Variants in MGAT1 observed in about 807,000 individuals in gnomAD.
The protein encoded by MGAT1 is N-glycosyl-oligosaccharide-glycoprotein N-acetylglucosaminyltransferase I.
In MGAT1, 14 loss-of-function variants were observed where a neutral mutation model predicts 31.7. The observed-to-expected ratio is 0.44, with a 90% confidence interval of 0.29 to 0.69. The LOEUF (loss-of-function observed/expected upper bound fraction) is 0.69. Ranked by LOEUF, MGAT1 falls within the 30% of genes least tolerant of loss-of-function variation. The pLI is 0.12. For missense variants in MGAT1, 557 were observed against 626.0 expected, an observed-to-expected ratio of 0.89 and a Z score of 1.18; for synonymous variants, 338 against 276.0, an observed-to-expected ratio of 1.22 and a Z score of -2.23.
rs1235865927 is a variant in MGAT1, at chr5:180,791,824, T to TCCC, written c.1145_1147dup (p.Gly382dup). 1 of 1,614,050 alleles carries TCCC rather than the reference T, an allele frequency of 6.2e-7. No homozygotes were observed. Among genetic ancestry groups the TCCC allele is most frequent in the Admixed American group, 1.7e-5 (1 of 60,012 alleles). ...CCTGCCCGTATACTGCACCCGCACCTCCCCCAGCTCCTTCCGGTCATTGGT... is the reference window on the plus strand; with the variant it reads ...CCTGCCCGTATACTGCACCCGCACCTCCCCCCCCAGCTCCTTCCGGTCATTGGT... On this transcript the variant is annotated inframe_insertion, in exon 2 of 2. Coordinates refer to ENST00000307826, the MANE Select transcript of MGAT1 (RefSeq NM_002406.4).
upstream of MGAT1, among the ~76,000 whole-genome samples, chr5:180,805,968 A>C (rs190242413): frequency 7.2e-4 from 110 of 152,164 alleles, 1 homozygote; most frequent in African/African-American, 2.6e-3. Flanking sequence ...TGGAATAAAG[A>C]AGGATATAAA....
At chr5:180,810,257 C>T (rs945709001) in intron 1 of MGAT1, 6 of 152,248 alleles carry the variant, frequency 3.9e-5, no homozygotes, top group South Asian at 2.1e-4. Context: ...GTTCCACATC[C>T]CGCCCATTTT....
At chr5:180,801,985 G>A (rs751115794) in intron 1 of MGAT1, among the ~76,000 whole-genome samples, 2 of 152,186 alleles carry the variant, frequency 1.3e-5, no homozygotes, top group Non-Finnish European at 2.9e-5. Context: ...TAAGAGCAAA[G>A]GCTACACGGC....
At chr5:180,798,408 C>T (rs957233936) in intron 1 of MGAT1, among the ~76,000 whole-genome samples, 2 of 152,148 alleles carry the variant, frequency 1.3e-5, no homozygotes, top group South Asian at 2.1e-4. Context: ...CCTTCCTTGA[C>T]GCCTGGGACC....
rs190680627 is a variant in MGAT1 at position 180,812,413 on chromosome 5, C to T, written c.-546+3001G>A. Among the ~76,000 whole-genome samples the T allele has an allele frequency of 2.7e-3, 415 of 152,162 alleles. 3 individuals are homozygous for T. The highest frequency in any genetic ancestry group is 9.3e-3 in the African/African-American group (385 of 41,502). On this transcript the variant is annotated intron_variant, in intron 1 of 2. Coordinates refer to the MGAT1 transcript ENST00000333055. ...TTATAACCATTTTTACTTAAGTGAC[C>T]TTCGATTTTTCGTGCTTGTTATAAC...
chr5:180,794,465 G>A (rs1444054104), intron 1 of MGAT1, among the ~76,000 whole-genome samples: 1 of 150,220 alleles, frequency 6.7e-6, no homozygotes, highest in Non-Finnish European at 1.5e-5. Flanking sequence ...CAACTGCGTG[G>A]TACTGGTACA....
In MGAT1 at chr5:180,792,845, G is replaced by C. The variant is rs199590721; in HGVS notation, c.127C>G (p.Leu43Val). Residue 43 changes from leucine to valine, a missense_variant, in exon 2 of 2, where the codon CTC (leucine) becomes GTC (valine). By Grantham distance (32) the Leu-to-Val change is conservative (BLOSUM62 1). Around this residue, in one of 3 missense-constraint regions of MGAT1, gnomAD observed 167 missense variants for 149.8 expected, o/e 1.11. Coordinates refer to ENST00000307826, the MANE Select transcript of MGAT1 (RefSeq NM_002406.4). ...GTGAGGCTGGCGGGGTCGCCATCGA[G>C]AGCGCTGACTGAGGGTGGCCTGCCA... ...APGRPPSVSA[L>V]DGDPASLTRE... 6.1e-4 allele frequency: 955 copies of C among 1,567,612 alleles called. 5 individuals are homozygous for C. The African/African-American group carries it at 0.011, about 18-fold the overall frequency.
rs571300356 is a variant in MGAT1, at chr5:180,786,751, C to T, written c.*4883G>A. The T allele has an allele frequency of 1.0e-4, 16 of 152,480 alleles. No homozygotes were observed. The East Asian group carries it at 1.5e-3, about 15-fold the overall frequency. The allele number at this position is 152,480 out of a possible 1,614,324, so 9.4% of individuals were successfully genotyped here. On this transcript the variant is annotated 3_prime_UTR_variant, in exon 2 of 2. Coordinates refer to ENST00000307826, the MANE Select transcript of MGAT1 (RefSeq NM_002406.4). ...ACCTGAGAAGGAGCCTGGGCCCTGA[C>T]GGTGGAGGAACCCCCACACCAGCCT...
At chr5:180,804,260 C>T (rs757302128), upstream of MGAT1, among the ~76,000 whole-genome samples, 1 of 152,234 alleles carries the variant, frequency 6.6e-6, no homozygotes, top group Non-Finnish European at 1.5e-5. Context: ...TGCTGCAAGC[C>T]ACCAGACCTG....
At chr5:180,811,237 A>AT (rs1222701604) in intron 1 of MGAT1, 2 of 152,158 alleles carry the variant, frequency 1.3e-5, no homozygotes, top group East Asian at 3.8e-4. Context: ...CTGTCGTGGG[A>AT]TTTCTCCAGA....
In MGAT1 at chr5:180,791,541, G is replaced by T; in HGVS notation, c.*93C>A. On this transcript the variant is annotated 3_prime_UTR_variant, in exon 2 of 2. Transcript: ENST00000307826. Reference sequence around the variant, plus strand: ...ATCAAAAAGATAAATGCACCTAAGAGGGAAACACAGGCAGGCCGATGCAGC... The same window carrying T: ...ATCAAAAAGATAAATGCACCTAAGATGGAAACACAGGCAGGCCGATGCAGC... 6.9e-7 allele frequency: 1 copy of T among 1,454,500 alleles called. No homozygotes were observed. Among genetic ancestry groups the T allele is most frequent in the Non-Finnish European group, 9.3e-7 (1 of 1,073,596 alleles). 90.1% of individuals were successfully genotyped at this position (1,454,500 alleles called of 1,614,324 possible).
chr5:180,798,870 C>T (rs910763427), intron 1 of MGAT1, among the ~76,000 whole-genome samples: 1 of 152,222 alleles, frequency 6.6e-6, no homozygotes, highest in Non-Finnish European at 1.5e-5. Context: ...ATTCTCAATT[C>T]TGAAATACAT....
rs913859181 is a variant in MGAT1 at position 180,785,766 on chromosome 5, C to G, written c.*5868G>C. On this transcript the variant is annotated 3_prime_UTR_variant, in exon 2 of 2. Transcript: ENST00000307826. ...GATCCTGAAAGGTTTTGCCCTTTTC[C>G]TAAATAGAAACTCTGAAAAGTAATC... is the stretch of plus-strand genomic sequence containing the variant. 6.6e-6 allele frequency: 1 copy of G among 152,274 alleles called. No homozygotes were observed. The highest frequency in any genetic ancestry group is 2.4e-5 in the African/African-American group (1 of 41,466). 9.4% of individuals were successfully genotyped at this position (152,274 alleles called of 1,614,324 possible). A position where few individuals can be genotyped will look rare whatever the true frequency, so the allele number is the denominator to read the frequency against.
chr5:180,815,006 G>T (rs1301035184), intron 1 of MGAT1, among the ~76,000 whole-genome samples: 1 of 151,998 alleles, frequency 6.6e-6, no homozygotes, highest in Non-Finnish European at 1.5e-5. Context: ...TATAAGGAAA[G>T]GGAATTTATT....
rs2070924 is a variant in MGAT1, at chr5:180,791,831, G to A, written c.1141C>T (p.Leu381=). ...EKVRTNDRKE[L]GEVRVQYTGR... ...GTATACTGCACCCGCACCTCCCCCA[G>A]CTCCTTCCGGTCATTGGTCCTCACT... Residue 381 remains leucine (L), a synonymous_variant, in exon 2 of 2, where the codon CTG becomes TTG. Transcript: ENST00000307826. 86,266 of 1,614,124 alleles carry A rather than the reference G, an allele frequency of 0.053. 3,249 individuals are homozygous for A. The highest frequency in any genetic ancestry group is 0.19 in the East Asian group (8,700 of 44,866).
chr5:180,790,151 T>A lies in MGAT1; in HGVS notation c.*1483A>T, dbSNP rs1185036995. 6.6e-6 allele frequency: 1 copy of A among 152,274 alleles called. No individual in the cohort carries two copies. Among genetic ancestry groups the A allele is most frequent in the Admixed American group, 6.5e-5 (1 of 15,272 alleles). 9.4% of individuals were successfully genotyped at this position (152,274 alleles called of 1,614,324 possible). On this transcript the variant is annotated 3_prime_UTR_variant, in exon 2 of 2. Coordinates refer to ENST00000307826, the MANE Select transcript of MGAT1 (RefSeq NM_002406.4). Reference sequence around the variant, plus strand: ...GTCATAAAGGGCACTCAATAAGCACTGCCTGGGCCAGCAGAGGGCACCGGG... The same window carrying A: ...GTCATAAAGGGCACTCAATAAGCACAGCCTGGGCCAGCAGAGGGCACCGGG...
In MGAT1 at chr5:180,797,852, G is replaced by C. The variant is rs1236898954; in HGVS notation, c.-126-4755C>G. ...GTTCCAGCCCACCTCCTTAGGCTCA[G>C]CCTGGGCCCCAGTGCTATTTTCCTA... On this transcript the variant is annotated intron_variant, in intron 1 of 1. Transcript: ENST00000307826. 1.9e-3 allele frequency among the ~76,000 whole-genome samples: 226 copies of C among 117,962 alleles called. 11 individuals are homozygous for C. The highest frequency in any genetic ancestry group is 3.6e-3 in the East Asian group (12 of 3,314). The allele number at this position is 117,962 out of a possible 152,430, so 77.4% of individuals were successfully genotyped here.
rs1301156471 is a variant in MGAT1 at position 180,787,320 on chromosome 5, G to A, written c.*4314C>T. The A allele has an allele frequency of 6.6e-6, 1 of 152,268 alleles. No individual in the cohort carries two copies. The allele number at this position is 152,268 out of a possible 1,614,324, so 9.4% of individuals were successfully genotyped here. On this transcript the variant is annotated 3_prime_UTR_variant, in exon 2 of 2. Coordinates refer to ENST00000307826, the MANE Select transcript of MGAT1 (RefSeq NM_002406.4). Reference sequence around the variant, plus strand: ...TGAATTGCCAGGGGCCAGAATGTGGGTAGGTGGGAGAACAGATGGAGGCTG... The same window carrying A: ...TGAATTGCCAGGGGCCAGAATGTGGATAGGTGGGAGAACAGATGGAGGCTG...
In MGAT1 at chr5:180,791,865, C is replaced by A. The variant is rs940340478; in HGVS notation, c.1107G>T (p.Gln369His). The change falls in exon 2 of 2, where the codon CAG becomes CAT. Residue 369 changes from glutamine to histidine, a missense_variant. Transcript: ENST00000307826. Reference sequence around the variant, plus strand: ...GGTCATTGGTCCTCACTTTCTCCACCTGCAGCTGGGGAGCACCGTAGACGC... The same window carrying A: ...GGTCATTGGTCCTCACTTTCTCCACATGCAGCTGGGGAGCACCGTAGACGC... ...LARVYGAPQL[Q>H]VEKVRTNDRK... The A allele has an allele frequency of 6.2e-7, 1 of 1,614,240 alleles. No homozygotes were observed. Among genetic ancestry groups the A allele is most frequent in the East Asian group, 2.2e-5 (1 of 44,880 alleles).
Sources: allele counts gnomAD v4.1 joint callset (sites outside exome capture counted in the v4.1 genomes callset), GRCh38; gene constraint gnomAD v4.1.1; regional missense constraint gnomAD v4.1.1; transcripts MANE v1.5; gene names NCBI Gene and HGNC (gene_info 2026-07-23, HGNC 2026-07-21).